SLC44A5: variants seen among roughly 807,000 people sequenced by gnomAD.
The protein encoded by SLC44A5 is choline transporter-like protein 5.
In SLC44A5, 57 loss-of-function variants were observed where a neutral mutation model predicts 101.8. The ratio of observed to expected loss-of-function variants is 0.56; its 90% CI spans 0.45 to 0.70. SLC44A5 has a LOEUF of 0.70. Ranked by LOEUF, SLC44A5 falls within the 30% of genes least tolerant of loss-of-function variation. SLC44A5 has a pLI of 0.00. For synonymous variants in SLC44A5, 281 were observed against 290.9 expected (o/e 0.97, Z 0.35); for missense variants, 737 against 853.1 (o/e 0.86, Z 1.70).
intron 2 of SLC44A5, among the ~76,000 whole-genome samples, chr1:75,469,463 GA>G (rs78380002): frequency 0.24 from 35,242 of 149,318 alleles, 4,198 homozygotes; most frequent in African/African-American, 0.26. Context: ...AGCATTCCCA[GA>G]AAAAAAAAAG....
intron 2 of SLC44A5, among the ~76,000 whole-genome samples, chr1:75,472,388 G>A (rs764564682): frequency 1.3e-5 from 2 of 151,800 alleles, no homozygotes; most frequent in Non-Finnish European, 2.9e-5. Context: ...CATCTTTGAG[G>A]GTTCATTAAT....
chr1:75,218,272 T>A (rs913915331), intron 17 of SLC44A5, among the ~76,000 whole-genome samples: 7 of 152,144 alleles, frequency 4.6e-5, no homozygotes, highest in Non-Finnish European at 1.0e-4. Context: ...TATCTTTTTC[T>A]CTCTCTAGTA....
intron 6 of SLC44A5, among the ~76,000 whole-genome samples, chr1:75,259,171 G>C (rs1019012844): frequency 6.6e-6 from 1 of 152,170 alleles, no homozygotes; most frequent in African/African-American, 2.4e-5. Flanking sequence ...ACTGGACAGA[G>C]AATGAGTTTG....
intron 2 of SLC44A5, among the ~76,000 whole-genome samples, chr1:75,506,507 T>C (rs1047953199): frequency 1.3e-5 from 2 of 152,176 alleles, no homozygotes; most frequent in Non-Finnish European, 2.9e-5. Context: ...ATTTGTGTCA[T>C]CTGTTATTTC....
At chr1:75,431,038 A>T (rs925868205) in intron 2 of SLC44A5, among the ~76,000 whole-genome samples, 4 of 152,184 alleles carry the variant, frequency 2.6e-5, no homozygotes, top group African/African-American at 9.6e-5. Flanking sequence ...AACTGGTTTT[A>T]TCATACACCT....
At chr1:75,410,319 G>T (rs1158554590) in intron 2 of SLC44A5, among the ~76,000 whole-genome samples, 1 of 152,034 alleles carries the variant, frequency 6.6e-6, no homozygotes, top group Non-Finnish European at 1.5e-5. Flanking sequence ...AATTATTCAT[G>T]CAATTAATTA....
At chr1:75,647,813 C>G in the SLC44A5 span, among the ~76,000 whole-genome samples, 4 of 152,166 alleles carry the variant, frequency 2.6e-5, no homozygotes, top group Admixed American at 6.5e-5. Flanking sequence ...GCCCATACTC[C>G]CATTGTACCT....
At chr1:75,231,384 A>G (rs1386278168) in intron 12 of SLC44A5, among the ~76,000 whole-genome samples, 1 of 152,126 alleles carries the variant, frequency 6.6e-6, no homozygotes, top group African/African-American at 2.4e-5. Flanking sequence ...AATACAGCGC[A>G]ATCCTCTTTT....
At chr1:75,462,249 C>G (rs1247612292) in intron 2 of SLC44A5, among the ~76,000 whole-genome samples, 1 of 152,208 alleles carries the variant, frequency 6.6e-6, no homozygotes, top group African/African-American at 2.4e-5. Context: ...GCCTGGTAAT[C>G]CAAAGAATTC....
chr1:75,222,471 G>GA lies in SLC44A5; in HGVS notation c.986-12dup, dbSNP rs536959270. On this transcript the variant is annotated splice_polypyrimidine_tract_variant and intron_variant, in intron 13 of 23. Transcript: ENST00000370859. ...TGCAGAGTATTATCACTTTGAACAG[G>GA]AAAAAAAAAATCAGTCTGTAATACA... 4,805 of 1,436,754 alleles carry GA rather than the reference G, an allele frequency of 3.3e-3. No homozygotes were observed. Among genetic ancestry groups the GA allele is most frequent in the Non-Finnish European group, 3.8e-3 (3,967 of 1,053,328 alleles). The allele number at this position is 1,436,754 out of a possible 1,614,324, so 89.0% of individuals were successfully genotyped here.
intron 14 of SLC44A5, among the ~76,000 whole-genome samples, chr1:75,221,079 A>G (rs190207427): frequency 5.6e-4 from 86 of 152,338 alleles, no homozygotes; most frequent in Middle Eastern, 6.8e-3. Context: ...CTTAAGAAAT[A>G]AACCCAGAAA....
chr1:75,628,905 C>T, the SLC44A5 span, among the ~76,000 whole-genome samples: 117 of 152,082 alleles, frequency 7.7e-4, no homozygotes, highest in Middle Eastern at 6.8e-3. Context: ...TTAGAGGAGA[C>T]AAAGAATTTT....
intron 4 of SLC44A5, among the ~76,000 whole-genome samples, chr1:75,306,733 CTTTTTTTT>C (rs771955227): frequency 1.9e-5 from 2 of 102,598 alleles, no homozygotes; most frequent in Non-Finnish European, 1.8e-5. Flanking sequence ...GGTTTCCTTT[CTTTTTTTT>C]TTTTTTTTTT....
intron 1 of SLC44A5, among the ~76,000 whole-genome samples, chr1:75,582,862 C>G (rs1310506932): frequency 6.6e-6 from 1 of 152,198 alleles, no homozygotes; most frequent in Non-Finnish European, 1.5e-5. Context: ...GCTAAGGAAT[C>G]TGGGCCCTTC....
At chr1:75,376,429 A>G (rs1035233253) in intron 3 of SLC44A5, among the ~76,000 whole-genome samples, 2 of 152,158 alleles carry the variant, frequency 1.3e-5, no homozygotes, top group African/African-American at 4.8e-5. Flanking sequence ...GCAGACTTAA[A>G]TGTCCCTGTC....
intron 2 of SLC44A5, among the ~76,000 whole-genome samples, chr1:75,515,560 A>G (rs1669786312): frequency 6.6e-6 from 1 of 152,222 alleles, no homozygotes; most frequent in Non-Finnish European, 1.5e-5. Context: ...TATTTCACTC[A>G]GCACGATGTT....
At chr1:75,522,437 G>A (rs771488539) in intron 2 of SLC44A5, among the ~76,000 whole-genome samples, 5 of 151,150 alleles carry the variant, frequency 3.3e-5, no homozygotes, top group Non-Finnish European at 7.4e-5. Flanking sequence ...CTTTCCTGGT[G>A]TAATGTTTTC....
chr1:75,632,321 G>A, the SLC44A5 span, among the ~76,000 whole-genome samples: 1 of 102,896 alleles, frequency 9.7e-6, no homozygotes, highest in Non-Finnish European at 1.9e-5. Context: ...TGAAACAAAT[G>A]CTGTGCTAAC....
At chr1:75,357,666 A>C (rs936953591) in intron 3 of SLC44A5, among the ~76,000 whole-genome samples, 3 of 152,104 alleles carry the variant, frequency 2.0e-5, no homozygotes, top group African/African-American at 7.2e-5. Context: ...GGTTAAGAAA[A>C]TGGGCCCAGT....
Sources: allele counts gnomAD v4.1 joint callset (sites outside exome capture counted in the v4.1 genomes callset), GRCh38; gene constraint gnomAD v4.1.1; transcripts MANE v1.5; gene names NCBI Gene and HGNC (gene_info 2026-07-23, HGNC 2026-07-21).